CELF1: variants seen among roughly 807,000 people sequenced by gnomAD.
CELF1 encodes CUGBP Elav-like family member 1.
In CELF1, 10 loss-of-function variants were observed where a neutral mutation model predicts 61.8. That is an observed-to-expected ratio of 0.16 (90% CI 0.10 to 0.27). The LOEUF is 0.27. CELF1 is among the 10% of genes least tolerant of loss of function. The pLI, the probability that CELF1 is intolerant of heterozygous loss-of-function variation, is 1.00. For synonymous variants in CELF1, 236 were observed against 225.1 expected (o/e 1.05, Z -0.43); for missense variants, 380 against 639.1 (o/e 0.59, Z 4.37).
intron 2 of CELF1, 27 bp from the exon 3 acceptor site, chr11:47,499,631 G>A: frequency 1.2e-6 from 1 of 834,110 alleles, no homozygotes; most frequent in Non-Finnish European, 1.9e-6. Flanking sequence ...ACACAAAGTG[G>A]AAACAGGAGC....
intron 1 of CELF1, among the ~76,000 whole-genome samples, chr11:47,543,309 G>A (rs2153733239): frequency 6.6e-6 from 1 of 152,126 alleles, no homozygotes; most frequent in South Asian, 2.1e-4. Flanking sequence ...GCTGAGGTGG[G>A]GAAGAATCAC....
chr11:47,498,671 CA>C (rs1235051639), intron 3 of CELF1, among the ~76,000 whole-genome samples: 3 of 152,148 alleles, frequency 2.0e-5, no homozygotes, highest in Non-Finnish European at 2.9e-5. Flanking sequence ...TGACTGAAAT[CA>C]GGGGTTGGAA....
At chr11:47,473,029 CTTCT>C in intron 14 of CELF1, 55 bp downstream of exon 14, 1 of 1,570,250 alleles carries the variant, frequency 6.4e-7, no homozygotes, top group South Asian at 1.2e-5. Flanking sequence ...CAGTGAGCTC[CTTCT>C]TTCTCAGTGG....
intron 3 of CELF1, chr11:47,494,597 G>T: frequency 3.6e-6 from 2 of 549,060 alleles, no homozygotes; most frequent in Non-Finnish European, 4.6e-6. Flanking sequence ...CCCACCCCAG[G>T]CCTATCTCAG....
In CELF1 at chr11:47,469,856, A is replaced by G. The variant is rs561425255; in HGVS notation, c.*2374T>C. On this transcript the variant is annotated 3_prime_UTR_variant, in exon 15 of 15. Transcript: ENST00000687097. Reference sequence around the variant, plus strand: ...GTTTCATAAGGTCCCAGAGCCCAGGACAAATCCATGGACAAATAATGGTGA... The same window carrying G: ...GTTTCATAAGGTCCCAGAGCCCAGGGCAAATCCATGGACAAATAATGGTGA... 2 of 152,478 alleles carry G rather than the reference A, an allele frequency of 1.3e-5. No homozygotes were observed. The highest frequency in any genetic ancestry group is 4.8e-5 in the African/African-American group (2 of 41,576). 9.4% of individuals were successfully genotyped at this position (152,478 alleles called of 1,614,324 possible).
chr11:47,499,773 G>T (rs118037178), intron 2 of CELF1, 169 bp from the exon 3 acceptor site: 1 of 477,070 alleles, frequency 2.1e-6, no homozygotes, highest in Non-Finnish European at 3.8e-6. Context: ...TGAAAGTGCT[G>T]ATGCGCCAGG....
At chr11:47,501,307 C>T (rs1017571962) in intron 1 of CELF1, among the ~76,000 whole-genome samples, 3 of 146,020 alleles carry the variant, frequency 2.1e-5, no homozygotes, top group Non-Finnish European at 4.6e-5. Context: ...GTTTACCAAG[C>T]CCATGCCTGT....
At chr11:47,543,286 G>T (rs1197978324) in intron 1 of CELF1, among the ~76,000 whole-genome samples, 3 of 151,940 alleles carry the variant, frequency 2.0e-5, no homozygotes, top group Non-Finnish European at 4.4e-5. Context: ...CTATAGTCCC[G>T]GCTACTTGGG....
chr11:47,533,809 C>CAAAAAAAAA (rs58856403), intron 1 of CELF1, among the ~76,000 whole-genome samples: 1 of 85,334 alleles, frequency 1.2e-5, no homozygotes, highest in African/African-American at 4.7e-5. Context: ...GACTCTCCCC[C>CAAAAAAAAA]AAAAAAAAAA....
chr11:47,535,827 A>T (rs979571778), intron 1 of CELF1, among the ~76,000 whole-genome samples: 2 of 150,506 alleles, frequency 1.3e-5, no homozygotes, highest in African/African-American at 4.9e-5. Context: ...CAGTGGTGCA[A>T]TCTCGGCTCA....
intron 1 of CELF1, among the ~76,000 whole-genome samples, chr11:47,551,845 C>T (rs553606495): frequency 1.1e-4 from 17 of 152,212 alleles, no homozygotes; most frequent in Admixed American, 1.0e-3. Context: ...TGGTGAAACC[C>T]CGTCTATACT....
rs530956678 is a variant in CELF1 at position 47,475,468 on chromosome 11, C to T, written c.1141G>A (p.Gly381Arg). Residue 381 changes from glycine to arginine, a missense_variant, in exon 13 of 15, where the codon GGG (glycine) becomes AGG (arginine). Physicochemically the swap from Gly to Arg is moderately radical, Grantham distance 125. Transcript: ENST00000687097. The part of the protein sequence containing the change: ...LGSSGLSNGT[G>R]STMEALTQAY... ...TGAGTGAGGGCCTCCATGGTGCTCC[C>T]GGTGCCATTGGAAAGGCCACTGCTG... 2.5e-6 allele frequency: 4 copies of T among 1,614,026 alleles called. No homozygotes were observed. Among genetic ancestry groups the T allele is most frequent in the Admixed American group, 1.7e-5 (1 of 60,018 alleles).
intron 1 of CELF1, among the ~76,000 whole-genome samples, chr11:47,509,807 A>AGGT (rs2094915399): frequency 6.6e-6 from 1 of 151,308 alleles, no homozygotes. Context: ...TGGGCGGGTC[A>AGGT]CTTGAGGTCA....
In CELF1 at chr11:47,488,889, C is replaced by T. The variant is rs2153474419; in HGVS notation, c.207G>A (p.Val69=). 5.6e-6 allele frequency: 9 copies of T among 1,601,382 alleles called. No homozygotes were observed. The highest frequency in any genetic ancestry group is 5.1e-6 in the Non-Finnish European group (6 of 1,174,750). The stretch of plus-strand genomic sequence containing the variant: ...TATCCCTTAGGACGTTGATTTCATA[C>T]ACAGCACCATACTGTTCGAAGAGTT... ...LRELFEQYGA[V]YEINVLRDRS... Residue 69 remains valine (V), a synonymous_variant, in exon 4 of 15, where the codon GTG becomes GTA. Coordinates refer to ENST00000687097, the MANE Select transcript of CELF1 (RefSeq NM_001376376.1).
chr11:47,503,458 G>A (rs1366518523), intron 1 of CELF1, among the ~76,000 whole-genome samples: 1 of 152,162 alleles, frequency 6.6e-6, no homozygotes, highest in Non-Finnish European at 1.5e-5. Context: ...GTAAAGTCTA[G>A]TTATATAAGC....
chr11:47,508,847 T>C (rs2063928006), intron 1 of CELF1, among the ~76,000 whole-genome samples: 1 of 152,202 alleles, frequency 6.6e-6, no homozygotes, highest in Non-Finnish European at 1.5e-5. Flanking sequence ...CTCGGCTTAC[T>C]GCAACCTCCG....
At chr11:47,546,843 T>C (rs1194578866) in intron 1 of CELF1, among the ~76,000 whole-genome samples, 1 of 151,816 alleles carries the variant, frequency 6.6e-6, no homozygotes, top group Admixed American at 6.6e-5. Flanking sequence ...GGTGGGTGAA[T>C]CACCTGAGGT....
At chr11:47,480,211 C>T (rs570931509) in intron 9 of CELF1, among the ~76,000 whole-genome samples, 7 of 151,976 alleles carry the variant, frequency 4.6e-5, no homozygotes, top group Non-Finnish European at 8.8e-5. Flanking sequence ...CTCAGCCTCC[C>T]GAGTAGCTGG....
intron 3 of CELF1, among the ~76,000 whole-genome samples, chr11:47,495,744 C>T (rs1369328497): frequency 6.6e-6 from 1 of 152,144 alleles, no homozygotes; most frequent in Non-Finnish European, 1.5e-5. Flanking sequence ...ACAGTTCAGT[C>T]CACCTGTGTC....
Sources: allele counts gnomAD v4.1 joint callset (sites outside exome capture counted in the v4.1 genomes callset), GRCh38; gene constraint gnomAD v4.1.1; transcripts MANE v1.5; gene names NCBI Gene and HGNC (gene_info 2026-07-23, HGNC 2026-07-21).